IL12B: variants seen among roughly 807,000 people sequenced by gnomAD.
IL12B encodes the protein interleukin 12B.
A neutral mutation model predicts 39.2 loss-of-function variants in IL12B; 27 were observed. The ratio of observed to expected loss-of-function variants is 0.69; its 90% CI spans 0.51 to 0.95. The LOEUF (loss-of-function observed/expected upper bound fraction) is 0.95, where lower values mean the gene tolerates loss of function less well. Among genes scored for constraint, IL12B ranks in the 40% least tolerant of loss-of-function variants. IL12B has a pLI of 0.00. For synonymous variants in IL12B, 142 were observed against 152.1 expected (o/e 0.93, Z 0.49); for missense variants, 351 against 397.6 (o/e 0.88, Z 1.00).
At chr5:159,326,870 C>T in intron 1 of IL12B, 88 bp from the exon 2 acceptor site, 1 of 867,412 alleles carries the variant, frequency 1.2e-6, no homozygotes, top group Non-Finnish European at 2.0e-6. Flanking sequence ...GTCAATAATT[C>T]TTGTTACCTT....
At chr5:159,327,882 G>A (rs1022669984) in intron 1 of IL12B, among the ~76,000 whole-genome samples, 37 of 152,094 alleles carry the variant, frequency 2.4e-4, no homozygotes, top group Admixed American at 3.3e-4. Flanking sequence ...AAAATCTTCC[G>A]ATTGCAAAAA....
At chr5:159,316,875 G>A in intron 6 of IL12B, 59 bp from the exon 7 acceptor site, 1 of 1,598,074 alleles carries the variant, frequency 6.3e-7, no homozygotes, top group Non-Finnish European at 8.6e-7. Context: ...AGGGTAAGCT[G>A]AGCCTGTTTC....
chr5:159,316,456 A>C (rs1368769875), intron 7 of IL12B, among the ~76,000 whole-genome samples: 1 of 152,130 alleles, frequency 6.6e-6, no homozygotes, highest in Non-Finnish European at 1.5e-5. Flanking sequence ...GGAGGCCAGA[A>C]CCCCGGTCTG....
intron 5 of IL12B, 22 bp downstream of exon 5, chr5:159,320,284 C>T: frequency 6.3e-7 from 1 of 1,592,636 alleles, no homozygotes; most frequent in East Asian, 2.2e-5. Context: ...TTATGGAGCA[C>T]ATATAATCAT....
At chr5:159,323,781 G>C (rs1754143008) in intron 2 of IL12B, among the ~76,000 whole-genome samples, 1 of 151,898 alleles carries the variant, frequency 6.6e-6, no homozygotes, top group South Asian at 2.1e-4. Flanking sequence ...CTGTCATCCT[G>C]TCTCCACTAA....
intron 4 of IL12B, 136 bp from the exon 5 acceptor site, chr5:159,320,656 G>A (rs1387007153): frequency 2.6e-6 from 2 of 756,876 alleles, no homozygotes; most frequent in Non-Finnish European, 4.5e-6. Flanking sequence ...TTTCTACCCA[G>A]AGGGTAAGAA....
chr5:159,323,612 T>C lies in IL12B; in HGVS notation c.89-283A>G, dbSNP rs1405571214. On this transcript the variant is annotated intron_variant, in intron 2 of 7. Transcript: ENST00000231228. ...TTAGCAGATTGGAAACACCTTAATA[T>C]ACCAAAAACTGCAAACAGCACAAGA... is the stretch of plus-strand genomic sequence containing the variant. Among the ~76,000 whole-genome samples the C allele has an allele frequency of 2.0e-5, 3 of 152,158 alleles. No individual in the cohort carries two copies. The East Asian group carries it at 5.8e-4, about 29-fold the overall frequency.
intron 1 of IL12B, among the ~76,000 whole-genome samples, chr5:159,327,074 A>T (rs1397389926): frequency 1.3e-5 from 2 of 152,194 alleles, no homozygotes; most frequent in African/African-American, 2.4e-5. Flanking sequence ...AAGGCAAGCC[A>T]TCTGATACAA....
At chr5:159,322,920 A>G in intron 3 of IL12B, 134 bp downstream of exon 3, 3 of 893,644 alleles carry the variant, frequency 3.4e-6, no homozygotes, top group Non-Finnish European at 1.8e-6. Flanking sequence ...GTTAACATCA[A>G]TTAACATCAA....
intron 6 of IL12B, among the ~76,000 whole-genome samples, chr5:159,317,841 C>T (rs893943999): frequency 3.3e-5 from 5 of 152,218 alleles, no homozygotes; most frequent in African/African-American, 1.2e-4. Flanking sequence ...CAGGTCTCCT[C>T]TATCAGGACT....
chr5:159,316,814 T>C lies in IL12B; in HGVS notation c.858A>G (p.Lys286=). 1 of 1,613,996 alleles carries C rather than the reference T, an allele frequency of 6.2e-7. No individual in the cohort carries two copies. The highest frequency in any genetic ancestry group is 8.5e-7 in the Non-Finnish European group (1 of 1,180,026). The change falls in exon 7 of 8, where the codon AAA becomes AAG. Residue 286 remains lysine (K), a splice_region_variant and synonymous_variant. Transcript: ENST00000231228. ...QVQGKSKREK[K]DRVFTDKTSA... ...AGGTCTTGTCCGTGAAGACTCTATC[T>C]TTCTGCAAAAGAGAAGGAAAGCTGT...
chr5:159,323,594 AT>A (rs1157031894), intron 2 of IL12B, among the ~76,000 whole-genome samples: 1 of 152,214 alleles, frequency 6.6e-6, no homozygotes, highest in Non-Finnish European at 1.5e-5. Flanking sequence ...TATTTAGCAG[AT>A]TGGAAACACC....
At chr5:159,329,395 T>C (rs140523076) in intron 1 of IL12B, among the ~76,000 whole-genome samples, 66 of 152,232 alleles carry the variant, frequency 4.3e-4, no homozygotes, top group Admixed American at 9.2e-4. Flanking sequence ...AAGGAGTTAG[T>C]GACATAATTC....
At chr5:159,330,114 A>T (rs565155442) in intron 1 of IL12B, among the ~76,000 whole-genome samples, 1 of 152,238 alleles carries the variant, frequency 6.6e-6, no homozygotes, top group Non-Finnish European at 1.5e-5. Flanking sequence ...ATGGGCATTA[A>T]CATTTAGGAA....
chr5:159,321,477 A>T (rs1331209226), intron 4 of IL12B, among the ~76,000 whole-genome samples: 1 of 151,724 alleles, frequency 6.6e-6, no homozygotes, highest in African/African-American at 2.4e-5. Context: ...ATACATATAG[A>T]TTTTATTTTT....
intron 2 of IL12B, among the ~76,000 whole-genome samples, chr5:159,325,909 A>G (rs1754180721): frequency 6.6e-6 from 1 of 152,216 alleles, no homozygotes; most frequent in South Asian, 2.1e-4. Context: ...ACTGAGTGTG[A>G]GATACTAGAA....
intron 1 of IL12B, among the ~76,000 whole-genome samples, chr5:159,327,149 T>C (rs181029037): frequency 1.3e-5 from 2 of 152,294 alleles, no homozygotes; most frequent in East Asian, 3.9e-4. Context: ...TGGATCAACA[T>C]CTAGCAGTTG....
chr5:159,318,995 A>G lies in IL12B; in HGVS notation c.698-102T>C, dbSNP rs377084191. On this transcript the variant is annotated intron_variant, in intron 5 of 7. Transcript: ENST00000231228. ...TGCACCTTTGATCAGCTGTGAGTCC[A>G]CTGGATAGTTACTTAACTTCTGTGA... is the stretch of plus-strand genomic sequence containing the variant. 7 of 990,494 alleles carry G rather than the reference A, an allele frequency of 7.1e-6. No individual in the cohort carries two copies. In the African/African-American group the frequency reaches 8.0e-5, roughly 11 times the overall value. 61.4% of individuals were successfully genotyped at this position (990,494 alleles called of 1,614,324 possible).
intron 1 of IL12B, among the ~76,000 whole-genome samples, chr5:159,327,851 G>A (rs1228822711): frequency 6.6e-6 from 1 of 152,158 alleles, no homozygotes; most frequent in African/African-American, 2.4e-5. Flanking sequence ...AACCAGTCTA[G>A]GTTAGTATCC....
Sources: gnomAD v4.1 joint callset for allele counts (sites outside exome capture counted in the v4.1 genomes callset) on GRCh38, gnomAD v4.1.1 for gene constraint, MANE v1.5 for transcripts, NCBI Gene and HGNC (gene_info 2026-07-23, HGNC 2026-07-21) for gene names.